The following COL5A2 variants were observed in gnomAD, a reference collection of about 807,000 sequenced individuals.
COL5A2 encodes collagen alpha-2(V) chain.
A neutral mutation model predicts 208.2 loss-of-function variants in COL5A2; 23 were observed. That is an observed-to-expected ratio of 0.11 (90% confidence interval 0.08 to 0.16). The LOEUF (loss-of-function observed/expected upper bound fraction) is 0.16, where lower values mean the gene tolerates loss of function less well. COL5A2 is among the 10% of genes least tolerant of loss of function. The pLI, the probability that COL5A2 is intolerant of heterozygous loss-of-function variation, is 1.00. For missense variants in COL5A2, 1,590 were observed against 1,956.4 expected, an observed-to-expected ratio of 0.81 and a Z score of 3.53; for synonymous variants, 625 against 628.5, an observed-to-expected ratio of 0.99 and a Z score of 0.08.
At chr2:189,186,197 A>G (rs1241601475) in intron 1 of COL5A2, among the ~76,000 whole-genome samples, 3 of 151,876 alleles carry the variant, frequency 2.0e-5, no homozygotes, top group Admixed American at 6.6e-5. Context: ...GGGTCTCTCC[A>G]TCTTGCACAG....
At chr2:189,427,309 A>T in the COL5A2 span, among the ~76,000 whole-genome samples, 1 of 152,352 alleles carries the variant, frequency 6.6e-6, no homozygotes, top group South Asian at 2.1e-4. Flanking sequence ...TTAAACCTGT[A>T]GGTGCACAGA....
intron 1 of COL5A2, among the ~76,000 whole-genome samples, chr2:189,176,973 T>A (rs1319695539): frequency 6.6e-6 from 1 of 152,244 alleles, no homozygotes; most frequent in East Asian, 1.9e-4. Flanking sequence ...TGCCTAAAAC[T>A]TTATTTATTT....
the COL5A2 span, among the ~76,000 whole-genome samples, chr2:189,322,080 G>A: frequency 6.6e-6 from 1 of 152,174 alleles, no homozygotes; most frequent in Non-Finnish European, 1.5e-5. Flanking sequence ...AATGACTACT[G>A]CGTACATAAC....
rs1451822940 is a variant in COL5A2 at position 189,087,986 on chromosome 2, G to A, written c.645+709C>T. 7.2e-5 allele frequency among the ~76,000 whole-genome samples: 11 copies of A among 152,134 alleles called. No individual in the cohort carries two copies. The East Asian group carries it at 9.6e-4, about 13-fold the overall frequency. On this transcript the variant is annotated intron_variant, in intron 8 of 53. Transcript: ENST00000374866. ...AAATAATATTTAAAATGCTCACAAC[G>A]CTGGCCTTAAGGATGGATAGAAGGG...
At chr2:189,083,916 G>T in intron 12 of COL5A2, 68 bp downstream of exon 12, 3 of 1,162,384 alleles carry the variant, frequency 2.6e-6, no homozygotes, top group Non-Finnish European at 3.9e-6. Flanking sequence ...TGTGCATACA[G>T]AGAATTGTGA....
At chr2:189,119,870 A>G (rs182896236) in intron 1 of COL5A2, among the ~76,000 whole-genome samples, 1 of 152,232 alleles carries the variant, frequency 6.6e-6, no homozygotes, top group East Asian at 1.9e-4. Flanking sequence ...TTACTAGTCA[A>G]CTGGTTATTA....
chr2:189,320,394 T>C, the COL5A2 span, among the ~76,000 whole-genome samples: 99 of 152,230 alleles, frequency 6.5e-4, 1 homozygote, highest in East Asian at 0.015. Context: ...TTTGAACCCA[T>C]TGCAAAGAAG....
the COL5A2 span, among the ~76,000 whole-genome samples, chr2:189,336,779 T>C: frequency 2.5e-4 from 38 of 152,318 alleles, no homozygotes; most frequent in East Asian, 7.3e-3. Context: ...GAGTGGTGAC[T>C]GTACAGGTTT....
rs397967930 is a variant in COL5A2 at position 189,191,151 on chromosome 2, A to AAAC, written c.-42+33996_-42+33997insGTT. 2.0e-3 allele frequency among the ~76,000 whole-genome samples: 134 copies of AAAC among 66,630 alleles called. 1 individual carries two copies. Among genetic ancestry groups the AAAC allele is most frequent in the African/African-American group, 3.5e-3 (113 of 32,296 alleles). The allele number at this position is 66,630 out of a possible 152,430, so 43.7% of individuals were successfully genotyped here. A position where few individuals can be genotyped will look rare whatever the true frequency, so the allele number is the denominator to read the frequency against. ...GATTAGGGAAACCATAAAAAAAAAA[A>AAAC]CAAAAAACAAACAAACAACAAAAAA... On this transcript the variant is annotated intron_variant, in intron 1 of 10. Coordinates refer to the COL5A2 transcript ENST00000649966.
the COL5A2 span, among the ~76,000 whole-genome samples, chr2:189,257,831 T>C: frequency 6.6e-6 from 1 of 152,084 alleles, no homozygotes; most frequent in Non-Finnish European, 1.5e-5. Flanking sequence ...AAAATACATC[T>C]AGGCCAGGCG....
chr2:189,434,371 G>C, the COL5A2 span, among the ~76,000 whole-genome samples: 25 of 152,198 alleles, frequency 1.6e-4, no homozygotes, highest in African/African-American at 5.8e-4. Context: ...ATTCAATTAG[G>C]AAAATAGGAA....
intron 35 of COL5A2, among the ~76,000 whole-genome samples, chr2:189,056,255 C>T (rs1023992940): frequency 6.6e-6 from 1 of 152,136 alleles, no homozygotes; most frequent in East Asian, 1.9e-4. Context: ...CATACTGAAA[C>T]AGAAATCATT....
the COL5A2 span, among the ~76,000 whole-genome samples, chr2:189,368,773 C>T: frequency 3.3e-5 from 5 of 152,138 alleles, no homozygotes; most frequent in African/African-American, 1.2e-4. Flanking sequence ...CCAAGACTTT[C>T]TCCTTTCCTA....
At chr2:189,231,355 G>A in the COL5A2 span, among the ~76,000 whole-genome samples, 1 of 151,572 alleles carries the variant, frequency 6.6e-6, no homozygotes, top group Admixed American at 6.6e-5. Flanking sequence ...ATGAAGAAAA[G>A]AACTTTAACT....
the COL5A2 span, among the ~76,000 whole-genome samples, chr2:189,428,396 G>A: frequency 6.6e-6 from 1 of 152,120 alleles, no homozygotes; most frequent in Non-Finnish European, 1.5e-5. Flanking sequence ...AAGGCAGGTG[G>A]ATCATGAGGT....
At chr2:189,230,981 A>G in the COL5A2 span, among the ~76,000 whole-genome samples, 3 of 151,940 alleles carry the variant, frequency 2.0e-5, no homozygotes, top group Non-Finnish European at 4.4e-5. Flanking sequence ...ATACAATGGA[A>G]TATTATTCAG....
intron 1 of COL5A2, among the ~76,000 whole-genome samples, chr2:189,197,017 C>A (rs1689009777): frequency 6.6e-6 from 1 of 151,988 alleles, no homozygotes; most frequent in African/African-American, 2.4e-5. Flanking sequence ...TTTTGCAGCA[C>A]TATTTACAAT....
chr2:189,382,778 G>A, the COL5A2 span, among the ~76,000 whole-genome samples: 1 of 152,138 alleles, frequency 6.6e-6, no homozygotes, highest in Non-Finnish European at 1.5e-5. Flanking sequence ...ATTTTTTGCA[G>A]GTAGGGGATG....
chr2:189,264,509 T>C, the COL5A2 span, among the ~76,000 whole-genome samples: 2 of 152,132 alleles, frequency 1.3e-5, no homozygotes, highest in African/African-American at 4.8e-5. Context: ...AAAACTAAAC[T>C]GTATTGTTTA....
Sources: gnomAD v4.1 joint callset for allele counts (sites outside exome capture counted in the v4.1 genomes callset) on GRCh38, gnomAD v4.1.1 for gene constraint, MANE v1.5 for transcripts, NCBI Gene and HGNC (gene_info 2026-07-23, HGNC 2026-07-21) for gene names.